The following TXNDC16 variants were observed in gnomAD, a reference collection of about 807,000 sequenced individuals.
TXNDC16 encodes thioredoxin domain-containing protein 16.
TXNDC16 carries 74 observed loss-of-function variants against 85.6 expected under a neutral mutation model. The ratio of observed to expected loss-of-function variants is 0.86; its 90% CI spans 0.72 to 1.05. The LOEUF is 1.05. TXNDC16 is among the 50% of genes least tolerant of loss of function. The probability of loss-of-function intolerance (pLI) is 0.00; values close to 1 mark genes in which losing one functional copy is unlikely to be tolerated. For missense variants in TXNDC16, 959 were observed against 947.0 expected (o/e 1.01, Z -0.17); for synonymous variants, 335 against 326.5 (o/e 1.03, Z -0.28).
At chr14:52,551,780 C>T (rs1475427632) in intron 1 of TXNDC16, among the ~76,000 whole-genome samples, 1 of 140,662 alleles carries the variant, frequency 7.1e-6, no homozygotes, top group African/African-American at 3.0e-5. Flanking sequence ...GGAATAGCGC[C>T]ACCATCTACC....
At chr14:52,434,147 C>T (rs747568405) in intron 20 of TXNDC16, among the ~76,000 whole-genome samples, 13 of 152,242 alleles carry the variant, frequency 8.5e-5, no homozygotes, top group South Asian at 2.1e-4. Flanking sequence ...CGTGATTACA[C>T]CACTGCACTC....
intron 14 of TXNDC16, among the ~76,000 whole-genome samples, chr14:52,481,948 G>A (rs374537300): frequency 6.6e-6 from 1 of 152,032 alleles, no homozygotes; most frequent in South Asian, 2.1e-4. Context: ...AATGCTTGCT[G>A]AATGACTGAC....
intron 16 of TXNDC16, among the ~76,000 whole-genome samples, chr14:52,457,386 G>T (rs2035559482): frequency 6.6e-6 from 1 of 152,104 alleles, no homozygotes; most frequent in Non-Finnish European, 1.5e-5. Flanking sequence ...TTGATATAAT[G>T]CAACATGGCT....
At chr14:52,511,671 T>C (rs774285462) in intron 8 of TXNDC16, among the ~76,000 whole-genome samples, 5 of 152,126 alleles carry the variant, frequency 3.3e-5, no homozygotes, top group African/African-American at 4.8e-5. Context: ...TAATAGGTTA[T>C]AGGCAAGCCT....
Position 52,519,252 on chromosome 14 carries a change from T to G in TXNDC16, c.434A>C (p.Glu145Ala). 1 of 1,606,490 alleles carries G rather than the reference T, an allele frequency of 6.2e-7. No individual in the cohort carries two copies. Among genetic ancestry groups the G allele is most frequent in the Non-Finnish European group, 8.5e-7 (1 of 1,174,760 alleles). ...AGCATTTTCTATGTTCTGAAGGTCT[T>G]CCAGGTTGGTAATATATTTCACTTC... is the stretch of plus-strand genomic sequence containing the variant. The part of the protein sequence containing the change: ...FSEVKYITNL[E>A]DLQNIENALK... Residue 145 changes from glutamate to alanine, a missense_variant, in exon 7 of 21, where the codon GAA (glutamate) becomes GCA (alanine). Glu to Ala is a moderately radical substitution (Grantham distance 107). Coordinates refer to ENST00000281741, the MANE Select transcript of TXNDC16 (RefSeq NM_020784.3).
At chr14:52,539,115 C>A (rs2037770827) in intron 4 of TXNDC16, among the ~76,000 whole-genome samples, 1 of 152,058 alleles carries the variant, frequency 6.6e-6, no homozygotes, top group Non-Finnish European at 1.5e-5. Flanking sequence ...AAATATTTAG[C>A]TTTAGAACAA....
At chr14:52,531,082 C>T (rs577320415) in intron 6 of TXNDC16, among the ~76,000 whole-genome samples, 181 of 152,174 alleles carry the variant, frequency 1.2e-3, no homozygotes, top group Non-Finnish European at 2.2e-3. Context: ...ACATCCTCCA[C>T]ATCATAAGTC....
chr14:52,503,863 T>A (rs185297779), intron 9 of TXNDC16, among the ~76,000 whole-genome samples: 107 of 152,094 alleles, frequency 7.0e-4, no homozygotes, highest in African/African-American at 2.5e-3. Context: ...GAATAACCAA[T>A]GCAGAGAAGT....
chr14:52,460,829 T>C (rs2035636436), intron 16 of TXNDC16, among the ~76,000 whole-genome samples: 1 of 152,194 alleles, frequency 6.6e-6, no homozygotes. Context: ...AAGTGTTTTA[T>C]TGTGTCTTAT....
At chr14:52,537,492 AT>A in intron 5 of TXNDC16, 106 bp downstream of exon 5, 1 of 798,444 alleles carries the variant, frequency 1.3e-6, no homozygotes, top group East Asian at 2.7e-5. Context: ...GCTTTACATG[AT>A]CCCCCCTACA....
At position 52,472,749 on chromosome 14, in the gene TXNDC16, T is replaced by C. The variant is rs540856162; in HGVS notation, c.1313-2069A>G. On this transcript the variant is annotated intron_variant, in intron 14 of 20. Transcript: ENST00000281741. ...ATCCTTTATTTTAATCATTTTGATA[T>C]AGGAGTGAAGAAGAAATCACTTAGG... 3.9e-5 allele frequency among the ~76,000 whole-genome samples: 6 copies of C among 152,312 alleles called. No individual in the cohort carries two copies. In the South Asian group the frequency reaches 6.2e-4, roughly 16 times the overall value.
intron 8 of TXNDC16, among the ~76,000 whole-genome samples, chr14:52,512,584 T>C (rs988999814): frequency 4.6e-5 from 7 of 152,164 alleles, no homozygotes; most frequent in African/African-American, 1.4e-4. Context: ...CTGGACTCCA[T>C]AACACAGCCT....
chr14:52,545,332 G>A (rs561160387), intron 1 of TXNDC16, among the ~76,000 whole-genome samples: 53 of 152,158 alleles, frequency 3.5e-4, no homozygotes, highest in Admixed American at 1.0e-3. Context: ...GATTATATAT[G>A]TGAAAGCACT....
intron 14 of TXNDC16, among the ~76,000 whole-genome samples, chr14:52,473,722 A>G (rs1297965267): frequency 2.0e-5 from 3 of 152,194 alleles, no homozygotes; most frequent in Non-Finnish European, 2.9e-5. Context: ...AAAAGAAAAA[A>G]CAGATTATCT....
At chr14:52,520,546 T>G in intron 6 of TXNDC16, among the ~76,000 whole-genome samples, 1 of 150,970 alleles carries the variant, frequency 6.6e-6, no homozygotes, top group Non-Finnish European at 1.5e-5. Context: ...GGAGGAGGAG[T>G]TTGCAGTGAG....
At position 52,488,314 on chromosome 14, in the gene TXNDC16, T is replaced by C. The variant is rs757750529; in HGVS notation, c.1108+49A>G. ...AATCCATTGGAAATTTCACTGACTT[T>C]ATGGGTGCTGGGCAGGATGGGGAAG... is the stretch of plus-strand genomic sequence containing the variant. On this transcript the variant is annotated intron_variant, in intron 12 of 20. Coordinates refer to ENST00000281741, the MANE Select transcript of TXNDC16 (RefSeq NM_020784.3). 12 of 1,598,482 alleles carry C rather than the reference T, an allele frequency of 7.5e-6. No individual in the cohort carries two copies. In the African/African-American group the frequency reaches 1.5e-4, roughly 20 times the overall value.
intron 16 of TXNDC16, among the ~76,000 whole-genome samples, chr14:52,465,692 A>T (rs2035758119): frequency 6.6e-6 from 1 of 152,204 alleles, no homozygotes; most frequent in Admixed American, 6.5e-5. Context: ...ATCGGTCAGA[A>T]AAAACACCCT....
At chr14:52,493,216 T>TATATATATATACACACACACACACAC in intron 9 of TXNDC16, among the ~76,000 whole-genome samples, 123 of 115,962 alleles carry the variant, frequency 1.1e-3, no homozygotes, top group African/African-American at 4.2e-3. Context: ...TATATATATA[T>TATATATATATACACACACACACACAC]ACACACACAC....
In TXNDC16 at chr14:52,432,330, C is replaced by A; in HGVS notation, c.2452G>T (p.Glu818Ter). ...TAGTTCACTTTTGAGCATCCTAACTCTTTATCACGTCTAAATGATTTTTCT... is the reference window on the plus strand; with the variant it reads ...TAGTTCACTTTTGAGCATCCTAACTATTTATCACGTCTAAATGATTTTTCT... ...EAEKSFRRDKELGCSKVN is the reference protein window; with the variant it reads ...EAEKSFRRDK Residue 818 changes from glutamate to a stop codon, truncating the protein, a stop_gained, in exon 21 of 21, where the codon GAG (glutamate) becomes TAG (stop). Coordinates refer to ENST00000281741, the MANE Select transcript of TXNDC16 (RefSeq NM_020784.3). LOFTEE classifies it high-confidence loss of function. 6.2e-7 allele frequency: 1 copy of A among 1,613,014 alleles called. No individual in the cohort carries two copies.
Sources: gnomAD v4.1 joint callset for allele counts (sites outside exome capture counted in the v4.1 genomes callset) on GRCh38, gnomAD v4.1.1 for gene constraint, MANE v1.5 for transcripts, NCBI Gene and HGNC (gene_info 2026-07-23, HGNC 2026-07-21) for gene names.